TLR4: variants seen among roughly 807,000 people sequenced by gnomAD.
TLR4 encodes the protein toll-like receptor 4.
A neutral mutation model predicts 27.4 loss-of-function variants in TLR4; 17 were observed. That is an observed-to-expected ratio of 0.62 (90% confidence interval 0.42 to 0.93). The LOEUF is 0.93. Among genes scored for constraint, TLR4 ranks in the 40% least tolerant of loss-of-function variants. The pLI, the probability that TLR4 is intolerant of heterozygous loss-of-function variation, is 0.00. For missense variants in TLR4, 926 were observed against 962.3 expected, an observed-to-expected ratio of 0.96 and a Z score of 0.50; for synonymous variants, 363 against 365.7, an observed-to-expected ratio of 0.99 and a Z score of 0.08.
Position 117,712,884 on chromosome 9 carries a change from T to C in TLR4, c.756T>C (p.Gly252=). 6.2e-7 allele frequency: 1 copy of C among 1,614,082 alleles called. No homozygotes were observed. Among genetic ancestry groups the C allele is most frequent in the Non-Finnish European group, 8.5e-7 (1 of 1,179,976 alleles). Residue 252 remains glycine, a synonymous_variant, in exon 3 of 3, where the codon GGT becomes GGC. Transcript: ENST00000355622. The part of the protein sequence containing the change: ...VMKTCIQGLA[G]LEVHRLVLGE... ...AAACTTGTATTCAAGGTCTGGCTGG[T>C]TTAGAAGTCCATCGTTTGGTTCTGG...
In TLR4 at chr9:117,712,415, G is replaced by C; in HGVS notation, c.287G>C (p.Gly96Ala). 2.5e-6 allele frequency: 4 copies of C among 1,613,730 alleles called. No individual in the cohort carries two copies. Among genetic ancestry groups the C allele is most frequent in the Non-Finnish European group, 3.4e-6 (4 of 1,179,860 alleles). Residue 96 changes from glycine to alanine, a missense_variant, in exon 3 of 3, where the codon GGG becomes GCG. Transcript: ENST00000355622. ...TGTGAAATCCAGACAATTGAAGATG[G>C]GGCATATCAGAGCCTAAGCCACCTC... ...SRCEIQTIED[G>A]AYQSLSHLST...
At chr9:117,708,884 G>A (rs1025203237) in intron 2 of TLR4, 155 bp downstream of exon 2, 6 of 927,138 alleles carry the variant, frequency 6.5e-6, no homozygotes, top group African/African-American at 3.3e-5. Context: ...CCTTGAGCAA[G>A]CTACCTCTAT....
chr9:117,708,444 G>A, intron 1 of TLR4, 119 bp from the exon 2 acceptor site: 4 of 1,585,936 alleles, frequency 2.5e-6, no homozygotes, highest in South Asian at 1.1e-5. Context: ...ATGGATGAAA[G>A]GTTGACTGAA....
rs1829350331 is a variant in TLR4 at position 117,716,498 on chromosome 9, G to C, written c.*1850G>C. 1 of 152,242 alleles carries C rather than the reference G, an allele frequency of 6.6e-6. No homozygotes were observed. The highest frequency in any genetic ancestry group is 1.9e-4 in the East Asian group (1 of 5,186). 9.4% of individuals were successfully genotyped at this position (152,242 alleles called of 1,614,324 possible). A position where few individuals can be genotyped will look rare whatever the true frequency, so the allele number is the denominator to read the frequency against. On this transcript the variant is annotated 3_prime_UTR_variant, in exon 3 of 3. Transcript: ENST00000355622. Reference sequence around the variant, plus strand: ...ATACTGCCTGATTTCATTTATATGAGGTTCTAAAATAGTCAAACTCATAGA... The same window carrying C: ...ATACTGCCTGATTTCATTTATATGACGTTCTAAAATAGTCAAACTCATAGA...
chr9:117,707,991 A>T (rs1474106183), intron 1 of TLR4: 2 of 161,778 alleles, frequency 1.2e-5, no homozygotes, highest in Non-Finnish European at 2.6e-5. Flanking sequence ...TGCTGCATAG[A>T]TCATGAAAAT....
chr9:117,710,982 C>T (rs1008773248), intron 2 of TLR4, among the ~76,000 whole-genome samples: 1 of 151,998 alleles, frequency 6.6e-6, no homozygotes, highest in Admixed American at 6.6e-5. Context: ...TAGAGCAATG[C>T]AGAGATAGAA....
Position 117,718,764 on chromosome 9 carries a change from C to T in TLR4, c.*4116C>T, listed in dbSNP as rs893807550. 16 of 152,128 alleles carry T rather than the reference C, an allele frequency of 1.1e-4. No homozygotes were observed. The highest frequency in any genetic ancestry group is 3.6e-4 in the African/African-American group (15 of 41,430). 9.4% of individuals were successfully genotyped at this position (152,128 alleles called of 1,614,324 possible). On this transcript the variant is annotated 3_prime_UTR_variant, in exon 3 of 3. Coordinates refer to ENST00000355622, the MANE Select transcript of TLR4 (RefSeq NM_138554.5). ...ACTGTCCTTATGGGTGAGTACTCCC[C>T]TAAGACTTTATTAAGAGGGCACTAG...
At chr9:117,708,235 A>T (rs994452183) in intron 1 of TLR4, 9 of 1,111,730 alleles carry the variant, frequency 8.1e-6, no homozygotes, top group Non-Finnish European at 1.0e-5. Context: ...CTGGCATGAA[A>T]CCCAGAGCTT....
rs1367831013 is a variant in TLR4, at chr9:117,722,351, G to A, written c.*7703G>A. 1.3e-5 allele frequency: 2 copies of A among 152,118 alleles called. No homozygotes were observed. The highest frequency in any genetic ancestry group is 2.4e-5 in the African/African-American group (1 of 41,416). The allele number at this position is 152,118 out of a possible 1,614,324, so 9.4% of individuals were successfully genotyped here. A position where few individuals can be genotyped will look rare whatever the true frequency, so the allele number is the denominator to read the frequency against. On this transcript the variant is annotated 3_prime_UTR_variant, in exon 3 of 3. Transcript: ENST00000355622. ...GGGAATTGGGGAAGTGATCACTGACGGTTGAAATTCAGTAGTTTTGGTCTT... is the reference window on the plus strand; with the variant it reads ...GGGAATTGGGGAAGTGATCACTGACAGTTGAAATTCAGTAGTTTTGGTCTT...
rs1292683615 is a variant in TLR4 at position 117,714,123 on chromosome 9, A to C, written c.1995A>C (p.Ile665=). The C allele has an allele frequency of 6.2e-7, 1 of 1,614,092 alleles. No homozygotes were observed. ...ACCTGATGCTTCTTGCTGGCTGCAT[A>C]AAGTATGGTAGAGGTGAAAACATCT... ...YFHLMLLAGC[I]KYGRGENIYD... Residue 665 remains isoleucine, a synonymous_variant, in exon 3 of 3, where the codon ATA becomes ATC. Coordinates refer to ENST00000355622, the MANE Select transcript of TLR4 (RefSeq NM_138554.5).
At position 117,716,292 on chromosome 9, in the gene TLR4, T is replaced by C. The variant is rs1829346158; in HGVS notation, c.*1644T>C. 2 of 152,148 alleles carry C rather than the reference T, an allele frequency of 1.3e-5. No individual in the cohort carries two copies. The highest frequency in any genetic ancestry group is 2.9e-5 in the Non-Finnish European group (2 of 68,028). The allele number at this position is 152,148 out of a possible 1,614,324, so 9.4% of individuals were successfully genotyped here. A position where few individuals can be genotyped will look rare whatever the true frequency, so the allele number is the denominator to read the frequency against. On this transcript the variant is annotated 3_prime_UTR_variant, in exon 3 of 3. Coordinates refer to ENST00000355622, the MANE Select transcript of TLR4 (RefSeq NM_138554.5). ...TGTGGCACTCTTCACAATCACTGTT[T>C]CCAAAGTTATGGAAACAACCCAAAT...
At position 117,713,500 on chromosome 9, in the gene TLR4, C is replaced by T. The variant is rs1438448766; in HGVS notation, c.1372C>T (p.His458Tyr). 5.0e-6 allele frequency: 8 copies of T among 1,614,024 alleles called. No homozygotes were observed. The highest frequency in any genetic ancestry group is 1.1e-5 in the South Asian group (1 of 91,084). The part of the protein sequence containing the change: ...NLIYLDISHT[H>Y]TRVAFNGIFN... ...CATTTACCTTGACATTTCTCATACT[C>T]ACACCAGAGTTGCTTTCAATGGCAT... Residue 458 changes from histidine to tyrosine, a missense_variant, in exon 3 of 3, where the codon CAC (histidine) becomes TAC (tyrosine). His to Tyr is a moderately conservative substitution (Grantham distance 83). Transcript: ENST00000355622.
intron 1 of TLR4, chr9:117,708,347 T>C: frequency 7.3e-7 from 1 of 1,372,290 alleles, no homozygotes; most frequent in Non-Finnish European, 9.4e-7. Context: ...TAGTAGGTGC[T>C]CTTTACTTTC....
rs1829275031 is a variant in TLR4, at chr9:117,713,285, G to A, written c.1157G>A (p.Ser386Asn). The A allele has an allele frequency of 6.2e-7, 1 of 1,613,974 alleles. No homozygotes were observed. The highest frequency in any genetic ancestry group is 8.5e-7 in the Non-Finnish European group (1 of 1,179,978). Reference protein sequence around the residue: ...EFLDLSRNGLSFKGCCSQSDF... With the variant: ...EFLDLSRNGLNFKGCCSQSDF... ...CTAGATCTCAGTAGAAATGGCTTGA[G>A]TTTCAAAGGTTGCTGTTCTCAAAGT... Residue 386 changes from serine to asparagine, a missense_variant, in exon 3 of 3, where the codon AGT (serine) becomes AAT (asparagine). Coordinates refer to ENST00000355622, the MANE Select transcript of TLR4 (RefSeq NM_138554.5).
intron 1 of TLR4, among the ~76,000 whole-genome samples, chr9:117,706,796 C>G (rs1483718007): frequency 6.6e-6 from 1 of 152,160 alleles, no homozygotes; most frequent in Non-Finnish European, 1.5e-5. Context: ...TTTTCTAAGC[C>G]TATTTTATGG....
In TLR4 at chr9:117,721,476, G is replaced by A. The variant is rs982583793; in HGVS notation, c.*6828G>A. On this transcript the variant is annotated 3_prime_UTR_variant, in exon 3 of 3. Coordinates refer to ENST00000355622, the MANE Select transcript of TLR4 (RefSeq NM_138554.5). ...GACAAAGAATTCCAGGCAGTCTACA[G>A]CTGATTTTATTTCAATACAACGATT... The A allele has an allele frequency of 2.0e-5, 3 of 152,182 alleles. No individual in the cohort carries two copies. The highest frequency in any genetic ancestry group is 4.8e-5 in the African/African-American group (2 of 41,456). The allele number at this position is 152,182 out of a possible 1,614,324, so 9.4% of individuals were successfully genotyped here.
At chr9:117,706,629 T>C (rs1424073518) in intron 1 of TLR4, among the ~76,000 whole-genome samples, 3 of 152,188 alleles carry the variant, frequency 2.0e-5, no homozygotes, top group Admixed American at 2.0e-4. Flanking sequence ...ACTCTTTACG[T>C]GCTCACGTTG....
In TLR4 at chr9:117,708,737, A is replaced by G; in HGVS notation, c.260+8A>G. ...GGTGCTGGATTTATCCAGGTAATGA[A>G]TCCACTTTTACATACTGCACAAGGT... On this transcript the variant is annotated splice_region_variant and intron_variant, in intron 2 of 2. Coordinates refer to ENST00000355622, the MANE Select transcript of TLR4 (RefSeq NM_138554.5). The G allele has an allele frequency of 6.2e-7, 1 of 1,613,658 alleles. No homozygotes were observed. Among genetic ancestry groups the G allele is most frequent in the Non-Finnish European group, 8.5e-7 (1 of 1,179,656 alleles).
Position 117,708,695 on chromosome 9 carries a change from A to G in TLR4, c.226A>G (p.Ser76Gly). The change falls in exon 2 of 3, where the codon AGT (serine) becomes GGT (glycine). Residue 76 changes from serine to glycine, a missense_variant. Physicochemically the swap from Ser to Gly is moderately conservative, Grantham distance 56 (BLOSUM62 0). Transcript: ENST00000355622. ...GCATTTAGGCAGCTATAGCTTCTTC[A>G]GTTTCCCAGAACTGCAGGTGCTGGA... is the stretch of plus-strand genomic sequence containing the variant. ...LRHLGSYSFF[S>G]FPELQVLDLS... 1 of 1,613,906 alleles carries G rather than the reference A, an allele frequency of 6.2e-7. No individual in the cohort carries two copies. The highest frequency in any genetic ancestry group is 8.5e-7 in the Non-Finnish European group (1 of 1,179,818).
Sources: gnomAD v4.1 joint callset for allele counts (sites outside exome capture counted in the v4.1 genomes callset) on GRCh38, gnomAD v4.1.1 for gene constraint, MANE v1.5 for transcripts, NCBI Gene and HGNC (gene_info 2026-07-23, HGNC 2026-07-21) for gene names.